The following FBXW2 variants were observed in gnomAD, a reference collection of about 807,000 sequenced individuals.
FBXW2 encodes the protein F-box and WD repeat domain containing 2, also known as F-box/WD repeat-containing protein 2.
FBXW2 carries 12 observed loss-of-function variants against 46.0 expected under a neutral mutation model. The observed-to-expected ratio is 0.26, with a 90% CI of 0.17 to 0.42. The LOEUF (loss-of-function observed/expected upper bound fraction) is 0.42. Ranked by LOEUF, FBXW2 falls within the 10% of genes least tolerant of loss-of-function variation. The probability of loss-of-function intolerance (pLI) is 1.00; values close to 1 mark genes in which losing one functional copy is unlikely to be tolerated. For missense variants in FBXW2, 360 were observed against 537.0 expected (o/e 0.67, Z 3.26); for synonymous variants, 203 against 209.6 (o/e 0.97, Z 0.27).
chr9:120,772,166 C>T (rs2044390794), intron 6 of FBXW2, among the ~76,000 whole-genome samples: 1 of 150,538 alleles, frequency 6.6e-6, no homozygotes, highest in Non-Finnish European at 1.5e-5. Flanking sequence ...TAGTTCAGAT[C>T]TAAGAATTAA....
intron 7 of FBXW2, among the ~76,000 whole-genome samples, chr9:120,769,246 T>C (rs1472089862): frequency 6.6e-6 from 1 of 152,328 alleles, no homozygotes; most frequent in East Asian, 1.9e-4. Flanking sequence ...GCCAGAGGAT[T>C]TGTAGTAGGT....
chr9:120,771,133 G>A (rs1283822173), intron 7 of FBXW2, among the ~76,000 whole-genome samples: 2 of 152,172 alleles, frequency 1.3e-5, no homozygotes, highest in South Asian at 2.1e-4. Flanking sequence ...GGCAGCGGAC[G>A]TTCCAGTACG....
intron 3 of FBXW2, among the ~76,000 whole-genome samples, chr9:120,784,735 C>A (rs889720446): frequency 2.6e-5 from 4 of 151,910 alleles, no homozygotes; most frequent in African/African-American, 9.7e-5. Context: ...GCCTGACCAA[C>A]ATGGTGAAAC....
Position 120,757,619 on chromosome 9 carries a change from CAT to C in FBXW2, c.*6938_*6939del, listed in dbSNP as rs1470623567. The C allele has an allele frequency of 6.6e-6, 1 of 152,132 alleles. No homozygotes were observed. The highest frequency in any genetic ancestry group is 1.5e-5 in the Non-Finnish European group (1 of 68,014). The allele number at this position is 152,132 out of a possible 1,614,324, so 9.4% of individuals were successfully genotyped here. A position where few individuals can be genotyped will look rare whatever the true frequency, so the allele number is the denominator to read the frequency against. On this transcript the variant is annotated 3_prime_UTR_variant, in exon 8 of 8. Transcript: ENST00000608872. ...GATTTGCAGTACATAAATCCATACA[CAT>C]GTGCATAAGGATTAGAAGAGAGTAT...
At chr9:120,777,346 G>C (rs910433154) in intron 4 of FBXW2, among the ~76,000 whole-genome samples, 1 of 152,200 alleles carries the variant, frequency 6.6e-6, no homozygotes, top group African/African-American at 2.4e-5. Context: ...CAAAAAATAC[G>C]TGTTTTTATT....
At chr9:120,782,670 C>T (rs1564460018) in intron 3 of FBXW2, among the ~76,000 whole-genome samples, 1 of 151,974 alleles carries the variant, frequency 6.6e-6, no homozygotes, top group African/African-American at 2.4e-5. Flanking sequence ...GGTGAGACCC[C>T]ATCTCCATAA....
At chr9:120,765,599 TTCA>T (rs1306717190) in intron 7 of FBXW2, among the ~76,000 whole-genome samples, 1 of 152,118 alleles carries the variant, frequency 6.6e-6, no homozygotes, top group Non-Finnish European at 1.5e-5. Flanking sequence ...AAAAGATGTA[TTCA>T]TCAACTCCTA....
Position 120,758,402 on chromosome 9 carries a change from T to A in FBXW2, c.*6157A>T, listed in dbSNP as rs1296209693. On this transcript the variant is annotated 3_prime_UTR_variant, in exon 8 of 8. Coordinates refer to ENST00000608872, the MANE Select transcript of FBXW2 (RefSeq NM_012164.4). ...GCTAGGGCTCCATGATGTTAAGGAATCCAGATGTGCCCTGATGGTAACGGA... is the reference window on the plus strand; with the variant it reads ...GCTAGGGCTCCATGATGTTAAGGAAACCAGATGTGCCCTGATGGTAACGGA... 2 of 152,128 alleles carry A rather than the reference T, an allele frequency of 1.3e-5. No homozygotes were observed. Among genetic ancestry groups the A allele is most frequent in the African/African-American group, 4.8e-5 (2 of 41,394 alleles). 9.4% of individuals were successfully genotyped at this position (152,128 alleles called of 1,614,324 possible). A position where few individuals can be genotyped will look rare whatever the true frequency, so the allele number is the denominator to read the frequency against.
At position 120,761,079 on chromosome 9, in the gene FBXW2, AAGTCC is replaced by A; in HGVS notation, c.*3475_*3479del. 1 of 152,326 alleles carries A rather than the reference AAGTCC, an allele frequency of 6.6e-6. No homozygotes were observed. Among genetic ancestry groups the A allele is most frequent in the Admixed American group, 6.5e-5 (1 of 15,298 alleles). 9.4% of individuals were successfully genotyped at this position (152,326 alleles called of 1,614,324 possible). A position where few individuals can be genotyped will look rare whatever the true frequency, so the allele number is the denominator to read the frequency against. On this transcript the variant is annotated 3_prime_UTR_variant, in exon 8 of 8. Transcript: ENST00000608872. Reference sequence around the variant, plus strand: ...TGCACCTTCCTGCAGAACTTCTTCCAAGTCCAGTCCTTCCACTGGAGGGGCTTTCT... The same window carrying A: ...TGCACCTTCCTGCAGAACTTCTTCCAAGTCCTTCCACTGGAGGGGCTTTCT...
chr9:120,764,340 A>T lies in FBXW2; in HGVS notation c.*219T>A, dbSNP rs1394762570. On this transcript the variant is annotated 3_prime_UTR_variant, in exon 8 of 8. Transcript: ENST00000608872. The stretch of plus-strand genomic sequence containing the variant: ...ACATAACTAAGTACAAATGAAGTCA[A>T]TGGTGTACCCCATTAGCATGCTGCG... 3.7e-6 allele frequency: 2 copies of T among 543,490 alleles called. No individual in the cohort carries two copies. Among genetic ancestry groups the T allele is most frequent in the East Asian group, 2.8e-5 (1 of 35,768 alleles). The allele number at this position is 543,490 out of a possible 1,614,324, so 33.7% of individuals were successfully genotyped here.
intron 3 of FBXW2, among the ~76,000 whole-genome samples, chr9:120,786,360 T>A (rs187637628): frequency 5.3e-4 from 81 of 152,194 alleles, no homozygotes; most frequent in Admixed American, 2.7e-3. Context: ...TCACTCACAC[T>A]CTCTCTCTCC....
At position 120,763,985 on chromosome 9, in the gene FBXW2, C is replaced by G. The variant is rs1328878148; in HGVS notation, c.*574G>C. ...AGGTTTAGAATGAGTTGCTAACATT[C>G]AATTTACAGAATTGGATTTGAACTG... On this transcript the variant is annotated 3_prime_UTR_variant, in exon 8 of 8. Coordinates refer to ENST00000608872, the MANE Select transcript of FBXW2 (RefSeq NM_012164.4). 1 of 160,568 alleles carries G rather than the reference C, an allele frequency of 6.2e-6. No individual in the cohort carries two copies. Among genetic ancestry groups the G allele is most frequent in the Non-Finnish European group, 1.4e-5 (1 of 73,974 alleles). The allele number at this position is 160,568 out of a possible 1,614,324, so 9.9% of individuals were successfully genotyped here.
chr9:120,773,335 G>A (rs2044421234), intron 5 of FBXW2, among the ~76,000 whole-genome samples: 3 of 152,198 alleles, frequency 2.0e-5, no homozygotes, highest in Non-Finnish European at 4.4e-5. Context: ...CACTGACGTA[G>A]ATGCAAATGA....
At chr9:120,792,794 G>A (rs2044876739) in intron 2 of FBXW2, 2 of 1,086,362 alleles carry the variant, frequency 1.8e-6, no homozygotes, top group Non-Finnish European at 2.5e-6. Flanking sequence ...TACTCGGCAC[G>A]CTGTAAGCCT....
chr9:120,770,617 T>C (rs897759431), intron 7 of FBXW2, among the ~76,000 whole-genome samples: 2 of 152,200 alleles, frequency 1.3e-5, no homozygotes, highest in African/African-American at 4.8e-5. Context: ...TTTCATTTAA[T>C]AGTCACTTTA....
intron 3 of FBXW2, among the ~76,000 whole-genome samples, chr9:120,787,416 C>T (rs1223594329): frequency 6.6e-6 from 1 of 152,134 alleles, no homozygotes; most frequent in African/African-American, 2.4e-5. Context: ...ACCAATTTTT[C>T]CACTGTTTTT....
At chr9:120,781,675 C>CACACACACACACACACAT (rs761941263) in intron 3 of FBXW2, among the ~76,000 whole-genome samples, 1 of 146,226 alleles carries the variant, frequency 6.8e-6, no homozygotes, top group African/African-American at 2.5e-5. Flanking sequence ...CACACACACA[C>CACACACACACACACACAT]ATACACACAC....
At chr9:120,765,149 C>T (rs2044253146) in intron 7 of FBXW2, among the ~76,000 whole-genome samples, 1 of 148,898 alleles carries the variant, frequency 6.7e-6, no homozygotes, top group Admixed American at 6.8e-5. Context: ...CACTGGAGTA[C>T]AGGGGCGTGA....
In FBXW2 at chr9:120,762,494, A is replaced by G. The variant is rs2044211958; in HGVS notation, c.*2065T>C. On this transcript the variant is annotated 3_prime_UTR_variant, in exon 8 of 8. Transcript: ENST00000608872. ...ATGCACAGAACTCAATGTGAGATAG[A>G]TTAAACCCAGATTTTGTGGGATGGG... 1 of 152,244 alleles carries G rather than the reference A, an allele frequency of 6.6e-6. No homozygotes were observed. The highest frequency in any genetic ancestry group is 2.4e-5 in the African/African-American group (1 of 41,456). 9.4% of individuals were successfully genotyped at this position (152,244 alleles called of 1,614,324 possible).
Sources: allele counts gnomAD v4.1 joint callset (sites outside exome capture counted in the v4.1 genomes callset), GRCh38; gene constraint gnomAD v4.1.1; transcripts MANE v1.5; gene names NCBI Gene and HGNC (gene_info 2026-07-23, HGNC 2026-07-21).